GRHL2: variants seen among roughly 807,000 people sequenced by gnomAD.
GRHL2 encodes grainyhead-like protein 2 homolog.
Under a neutral mutation model 83.8 loss-of-function variants are expected in GRHL2, and 21 were observed. That is an observed-to-expected ratio of 0.25 (90% confidence interval 0.18 to 0.36). The LOEUF (loss-of-function observed/expected upper bound fraction) is 0.36. Among genes scored for constraint, GRHL2 ranks in the 10% least tolerant of loss-of-function variants. The probability of loss-of-function intolerance (pLI) is 1.00; values close to 1 mark genes in which losing one functional copy is unlikely to be tolerated. For missense variants in GRHL2, 623 were observed against 781.8 expected (o/e 0.80, Z 2.42); for synonymous variants, 280 against 278.9 (o/e 1.00, Z -0.04).
At chr8:101,655,126 G>A (rs1367827855) in intron 14 of GRHL2, among the ~76,000 whole-genome samples, 6 of 151,950 alleles carry the variant, frequency 3.9e-5, no homozygotes, top group African/African-American at 9.7e-5. Flanking sequence ...AGGTTGCGGT[G>A]AGCCAAGATT....
chr8:101,498,870 T>A (rs957090314), intron 1 of GRHL2, among the ~76,000 whole-genome samples: 1 of 152,000 alleles, frequency 6.6e-6, no homozygotes, highest in African/African-American at 2.4e-5. Flanking sequence ...GGTCAGGAGA[T>A]CGAGACCATC....
At chr8:101,678,746 G>C in the GRHL2 span, among the ~76,000 whole-genome samples, 1 of 152,114 alleles carries the variant, frequency 6.6e-6, no homozygotes, top group African/African-American at 2.4e-5. Context: ...AGAACGGGCA[G>C]ACTGCCTCCT....
intron 2 of GRHL2, among the ~76,000 whole-genome samples, chr8:101,549,288 G>A (rs1007672530): frequency 1.3e-5 from 2 of 152,196 alleles, no homozygotes; most frequent in Non-Finnish European, 2.9e-5. Flanking sequence ...GATGGGAGAC[G>A]TATTTGAGAC....
At chr8:101,590,264 G>T (rs1812251971) in intron 7 of GRHL2, among the ~76,000 whole-genome samples, 1 of 152,168 alleles carries the variant, frequency 6.6e-6, no homozygotes, top group African/African-American at 2.4e-5. Flanking sequence ...TCATAAGTGA[G>T]TTCTTGTGAG....
At chr8:101,522,540 T>G (rs938945486) in intron 1 of GRHL2, among the ~76,000 whole-genome samples, 7 of 129,138 alleles carry the variant, frequency 5.4e-5, no homozygotes, top group African/African-American at 2.1e-4. Flanking sequence ...ACAAAATAAC[T>G]GTGTAATCCC....
intron 14 of GRHL2, among the ~76,000 whole-genome samples, chr8:101,663,689 A>G (rs1404697369): frequency 1.3e-5 from 2 of 152,096 alleles, no homozygotes; most frequent in Non-Finnish European, 1.5e-5. Flanking sequence ...AAAATTTTAA[A>G]TTATGACTGT....
chr8:101,609,718 A>G (rs1573282), intron 8 of GRHL2, among the ~76,000 whole-genome samples: 75,029 of 150,410 alleles, frequency 0.5, 21,030 homozygotes, highest in African/African-American at 0.71. Context: ...ACCTGTGTGC[A>G]TTTTATGCTA....
intron 12 of GRHL2, among the ~76,000 whole-genome samples, chr8:101,638,901 G>A (rs997813670): frequency 2.0e-5 from 3 of 152,180 alleles, no homozygotes; most frequent in African/African-American, 4.8e-5. Flanking sequence ...CTGGACTGCC[G>A]CCTACCAGTG....
rs191067876 is a variant in GRHL2, at chr8:101,664,166, G to A, written c.1699-288G>A. On this transcript the variant is annotated intron_variant, in intron 14 of 15. Coordinates refer to ENST00000646743, the MANE Select transcript of GRHL2 (RefSeq NM_024915.4). ...AACTTGTTAAATTTTTTTCTAGATG[G>A]CTACTATTTCATCCAACATCATAGT... Among the ~76,000 whole-genome samples the A allele has an allele frequency of 1.5e-3, 221 of 152,224 alleles. 1 individual carries two copies. Among genetic ancestry groups the A allele is most frequent in the African/African-American group, 5.2e-3 (216 of 41,544 alleles).
At chr8:101,552,959 G>C (rs892052687) in intron 3 of GRHL2, among the ~76,000 whole-genome samples, 177 bp downstream of exon 3, 1 of 152,194 alleles carries the variant, frequency 6.6e-6, no homozygotes. Context: ...TTGCATGTTT[G>C]GTTGTGCATC....
intron 1 of GRHL2, among the ~76,000 whole-genome samples, chr8:101,516,606 T>C (rs149855719): frequency 1.3e-5 from 2 of 152,160 alleles, no homozygotes; most frequent in African/African-American, 4.8e-5. Context: ...TGAGTCTTAC[T>C]ATGTTGCTCT....
intron 7 of GRHL2, among the ~76,000 whole-genome samples, chr8:101,578,571 T>C (rs1000368017): frequency 6.6e-6 from 1 of 152,226 alleles, no homozygotes; most frequent in African/African-American, 2.4e-5. Context: ...CAGTAATGTA[T>C]GTGTTTCCAA....
chr8:101,583,754 G>C (rs371360941), intron 7 of GRHL2, among the ~76,000 whole-genome samples: 1 of 152,278 alleles, frequency 6.6e-6, no homozygotes, highest in East Asian at 1.9e-4. Context: ...CCACGTTCTC[G>C]GGAAGGCATA....
In GRHL2 at chr8:101,558,526, T is replaced by C. The variant is rs1056249969; in HGVS notation, c.392T>C (p.Leu131Pro). 14 of 1,613,924 alleles carry C rather than the reference T, an allele frequency of 8.7e-6. No homozygotes were observed. The highest frequency in any genetic ancestry group is 9.3e-6 in the Non-Finnish European group (11 of 1,180,014). ...AACCTTTCCCTAAATCAAGATCACC[T>C]GGAGAATTCCAAGCGGGAACAGTAC... ...PVNLSLNQDH[L>P]ENSKREQYSI... Residue 131 changes from leucine (L) to proline (P), a missense_variant, in exon 4 of 16, where the codon CTG becomes CCG. By Grantham distance (98) the Leu-to-Pro change is moderately conservative. Coordinates refer to ENST00000646743, the MANE Select transcript of GRHL2 (RefSeq NM_024915.4).
chr8:101,664,598 CTT>C lies in GRHL2; in HGVS notation c.1763+83_1763+84del, dbSNP rs886242053. ...GCCTTAAAAATAAAATGATGCCTGT[CTT>C]TTGTTAGGTCTGTTGCCCACTTTTC... is the stretch of plus-strand genomic sequence containing the variant. On this transcript the variant is annotated intron_variant, in intron 15 of 15. Coordinates refer to ENST00000646743, the MANE Select transcript of GRHL2 (RefSeq NM_024915.4). 8 of 1,023,104 alleles carry C rather than the reference CTT, an allele frequency of 7.8e-6. No homozygotes were observed. In the African/African-American group the frequency reaches 7.9e-5, roughly 10 times the overall value. 63.4% of individuals were successfully genotyped at this position (1,023,104 alleles called of 1,614,324 possible). A position where few individuals can be genotyped will look rare whatever the true frequency, so the allele number is the denominator to read the frequency against.
At chr8:101,546,350 G>A (rs924735058) in intron 2 of GRHL2, among the ~76,000 whole-genome samples, 4 of 151,668 alleles carry the variant, frequency 2.6e-5, no homozygotes, top group African/African-American at 9.7e-5. Flanking sequence ...TGTATTTGAT[G>A]ACAATTCTTT....
At chr8:101,549,041 C>A (rs751951541) in intron 2 of GRHL2, among the ~76,000 whole-genome samples, 8 of 150,556 alleles carry the variant, frequency 5.3e-5, no homozygotes, top group Non-Finnish European at 1.0e-4. Context: ...TAACCATGTA[C>A]AAGGTAGGCA....
chr8:101,575,007 A>C (rs1245206563), intron 6 of GRHL2, among the ~76,000 whole-genome samples: 4 of 152,094 alleles, frequency 2.6e-5, no homozygotes, highest in Non-Finnish European at 5.9e-5. Flanking sequence ...AAGGTGAGGG[A>C]ACCAGGATCT....
At chr8:101,590,498 G>C (rs1220776825) in intron 7 of GRHL2, among the ~76,000 whole-genome samples, 3 of 152,334 alleles carry the variant, frequency 2.0e-5, no homozygotes, top group African/African-American at 7.2e-5. Context: ...GTGGAGACAA[G>C]TATTGGTCCC....
Sources: gnomAD v4.1 joint callset for allele counts (sites outside exome capture counted in the v4.1 genomes callset) on GRCh38, gnomAD v4.1.1 for gene constraint, MANE v1.5 for transcripts, NCBI Gene and HGNC (gene_info 2026-07-23, HGNC 2026-07-21) for gene names.